MAP2K5: variants seen among roughly 807,000 people sequenced by gnomAD.
MAP2K5 encodes dual specificity mitogen-activated protein kinase kinase 5.
Under a neutral mutation model 83.1 loss-of-function variants are expected in MAP2K5, and 49 were observed. The ratio of observed to expected loss-of-function variants is 0.59; its 90% confidence interval spans 0.47 to 0.75. MAP2K5 has a LOEUF of 0.75. Among genes scored for constraint, MAP2K5 ranks in the 30% least tolerant of loss-of-function variants. MAP2K5 has a pLI of 0.00. For synonymous variants in MAP2K5, 202 were observed against 191.8 expected (o/e 1.05, Z -0.44); for missense variants, 457 against 557.5 (o/e 0.82, Z 1.82).
chr15:67,616,351 G>A (rs1020444106), intron 8 of MAP2K5, among the ~76,000 whole-genome samples: 1 of 152,176 alleles, frequency 6.6e-6, no homozygotes, highest in East Asian at 1.9e-4. Flanking sequence ...TGCCAATGAG[G>A]AGAATTAAGA....
chr15:67,639,498 A>G (rs541486250), intron 9 of MAP2K5, among the ~76,000 whole-genome samples: 108 of 152,356 alleles, frequency 7.1e-4, no homozygotes, highest in Admixed American at 3.7e-3. Context: ...ACTGATAAGT[A>G]GTGGAGCCAG....
intron 16 of MAP2K5, among the ~76,000 whole-genome samples, chr15:67,709,798 A>G (rs1359902082): frequency 6.6e-6 from 1 of 152,222 alleles, no homozygotes; most frequent in Admixed American, 6.5e-5. Context: ...TGAGTCAAAA[A>G]ATAAGTCAAC....
At chr15:67,548,717 C>T (rs1647704479) in intron 1 of MAP2K5, among the ~76,000 whole-genome samples, 1 of 152,102 alleles carries the variant, frequency 6.6e-6, no homozygotes, top group African/African-American at 2.4e-5. Flanking sequence ...AGTTTCCTGT[C>T]AATAAATACT....
At chr15:67,705,744 AAAAG>A (rs973939922) in intron 16 of MAP2K5, among the ~76,000 whole-genome samples, 8 of 152,132 alleles carry the variant, frequency 5.3e-5, no homozygotes, top group African/African-American at 1.9e-4. Context: ...CTCAAAAAAA[AAAAG>A]AAAGAAAGCA....
chr15:67,588,131 A>T, intron 6 of MAP2K5: 8 of 984,970 alleles, frequency 8.1e-6, no homozygotes, highest in Non-Finnish European at 9.6e-6. Context: ...CCTCCATAGC[A>T]GGTGAGCAGT....
rs554003259 is a variant in MAP2K5, at chr15:67,559,186, G to T, written c.185-4097G>T. Among the ~76,000 whole-genome samples the T allele has an allele frequency of 1.3e-5, 2 of 152,288 alleles. No individual in the cohort carries two copies. The highest frequency in any genetic ancestry group is 4.8e-5 in the African/African-American group (2 of 41,560). Reference sequence around the variant, plus strand: ...TCTCTTACCTGGGAAAAGTGCCTTTGCAGTAGTTCTAATTGCCACCTGGCA... The same window carrying T: ...TCTCTTACCTGGGAAAAGTGCCTTTTCAGTAGTTCTAATTGCCACCTGGCA... On this transcript the variant is annotated intron_variant, in intron 2 of 21. Coordinates refer to ENST00000178640, the MANE Select transcript of MAP2K5 (RefSeq NM_145160.3). This position sits in a 1 kb window ranked among gnomAD's most constrained non-coding sequence, Gnocchi z 4.7.
intron 17 of MAP2K5, among the ~76,000 whole-genome samples, chr15:67,744,033 G>T (rs1323863691): frequency 2.0e-5 from 3 of 152,180 alleles, no homozygotes; most frequent in Non-Finnish European, 1.5e-5. Flanking sequence ...GACTTTGAGC[G>T]CTGCTCCCCT....
chr15:67,670,974 G>C (rs2087518171), intron 13 of MAP2K5, among the ~76,000 whole-genome samples: 1 of 152,172 alleles, frequency 6.6e-6, no homozygotes, highest in African/African-American at 2.4e-5. Context: ...AATTTTAAAA[G>C]CTCAGTTTCT....
Position 67,543,433 on chromosome 15 carries a change from T to C in MAP2K5, c.98T>C (p.Val33Ala). The part of the protein sequence containing the change: ...IPNSGAVDWT[V>A]HSGPQLLFRD... The stretch of plus-strand genomic sequence containing the variant: ...AATAGTGGCGCGGTGGACTGGACAG[T>C]GCACTCCGGGCCGCAGTTACTCTTC... Residue 33 changes from valine to alanine, a missense_variant, in exon 1 of 22, where the codon GTG becomes GCG. This residue lies in a region of MAP2K5 where 234 missense variants were observed against 243.6 expected (regional missense o/e 0.96). Transcript: ENST00000178640. This position sits in a 1 kb window ranked among gnomAD's most constrained non-coding sequence, Gnocchi z 4.3. 1 of 1,614,076 alleles carries C rather than the reference T, an allele frequency of 6.2e-7. No individual in the cohort carries two copies. Among genetic ancestry groups the C allele is most frequent in the East Asian group, 2.2e-5 (1 of 44,876 alleles).
intron 3 of MAP2K5, among the ~76,000 whole-genome samples, chr15:67,564,614 C>T (rs905649944): frequency 2.6e-5 from 4 of 152,178 alleles, no homozygotes; most frequent in African/African-American, 7.2e-5. Flanking sequence ...CCATTGACTT[C>T]GCATTAACTT....
rs1450610275 is a variant in MAP2K5 at position 67,779,235 on chromosome 15, A to G, written c.1242+6483A>G. 6.6e-6 allele frequency among the ~76,000 whole-genome samples: 1 copy of G among 152,236 alleles called. No individual in the cohort carries two copies. The highest frequency in any genetic ancestry group is 6.5e-5 in the Admixed American group (1 of 15,286). ...AATTTTTTTTTAAGTTCTGAAGGCC[A>G]TTAAAATCATCTGTTTGTGTCTGCT... On this transcript the variant is annotated intron_variant, in intron 21 of 21. Transcript: ENST00000178640. This position sits in a 1 kb window ranked among gnomAD's most constrained non-coding sequence, Gnocchi z 4.6.
chr15:67,711,516 CCT>C (rs947997448), intron 16 of MAP2K5, among the ~76,000 whole-genome samples: 5 of 152,204 alleles, frequency 3.3e-5, no homozygotes, highest in East Asian at 1.9e-4. Flanking sequence ...GCCATTATCC[CCT>C]CTCTTTAAAA....
rs8036625 is a variant in MAP2K5, at chr15:67,542,759, A to C, written c.-577A>C. 6.4e-6 allele frequency: 1 copy of C among 156,364 alleles called. No homozygotes were observed. Among genetic ancestry groups the C allele is most frequent in the Non-Finnish European group, 1.4e-5 (1 of 71,190 alleles). 9.7% of individuals were successfully genotyped at this position (156,364 alleles called of 1,614,324 possible). A position where few individuals can be genotyped will look rare whatever the true frequency, so the allele number is the denominator to read the frequency against. ...CGTCGCCGCCGCCGCAGCCGCCGCC[A>C]GTCCGCGCGGCCTCGGGTGGCCGGA... On this transcript the variant is annotated 5_prime_UTR_variant, in exon 1 of 22. Transcript: ENST00000178640.
At chr15:67,592,878 T>C in intron 6 of MAP2K5, 48 bp from the exon 7 acceptor site, 1 of 1,304,058 alleles carries the variant, frequency 7.7e-7, no homozygotes. Context: ...TCAGTGGTGT[T>C]CAGAGGTGTT....
chr15:67,544,589 C>T (rs1044056156), intron 1 of MAP2K5, among the ~76,000 whole-genome samples: 1 of 152,174 alleles, frequency 6.6e-6, no homozygotes, highest in Non-Finnish European at 1.5e-5. Flanking sequence ...CGCTTCTAAT[C>T]TTTCTGGTAT....
rs374837331 is a variant in MAP2K5, at chr15:67,630,462, GA to G, written c.546-417del. On this transcript the variant is annotated intron_variant, in intron 8 of 21. Coordinates refer to ENST00000178640, the MANE Select transcript of MAP2K5 (RefSeq NM_145160.3). ...TTAAAAAAATAAGCAAAAAAAATGG[GA>G]AAAAAAAAGCAAAATGGCTCTGTAC... Among the ~76,000 whole-genome samples, 203 of 150,586 alleles carry G rather than the reference GA, an allele frequency of 1.3e-3. 2 individuals are homozygous for G. The highest frequency in any genetic ancestry group is 1.8e-3 in the Non-Finnish European group (119 of 67,534).
At chr15:67,731,294 G>A (rs1029171707) in intron 17 of MAP2K5, among the ~76,000 whole-genome samples, 3 of 152,126 alleles carry the variant, frequency 2.0e-5, no homozygotes, top group African/African-American at 7.2e-5. Context: ...TGTACCCAGT[G>A]AGGTCGCAGA....
intron 16 of MAP2K5, 55 bp from the exon 17 acceptor site, chr15:67,727,861 G>A: frequency 2.3e-6 from 3 of 1,303,580 alleles, no homozygotes; most frequent in Non-Finnish European, 3.3e-6. Flanking sequence ...CTGTCTTAAG[G>A]AGATCTGCCC....
intron 17 of MAP2K5, among the ~76,000 whole-genome samples, chr15:67,744,668 C>T (rs2089565016): frequency 6.6e-6 from 1 of 152,168 alleles, no homozygotes. Context: ...GTAAAAAGCT[C>T]CTCTACAGAG....
Sources: gnomAD v4.1 joint callset for allele counts (sites outside exome capture counted in the v4.1 genomes callset) on GRCh38, gnomAD v4.1.1 for gene constraint, gnomAD v4.1.1 regional missense constraint, Gnocchi (gnomAD v3.1) non-coding constraint, MANE v1.5 for transcripts, NCBI Gene and HGNC (gene_info 2026-07-23, HGNC 2026-07-21) for gene names.